The following IGSF21 variants were observed in gnomAD, a reference collection of about 807,000 sequenced individuals.
IGSF21 encodes immunoglobulin superfamily member 21.
IGSF21 carries 28 observed loss-of-function variants against 46.8 expected under a neutral mutation model. The ratio of observed to expected loss-of-function variants is 0.60; its 90% CI spans 0.44 to 0.82. The LOEUF (loss-of-function observed/expected upper bound fraction) is 0.82. Among genes scored for constraint, IGSF21 ranks in the 40% least tolerant of loss-of-function variants. The pLI, the probability that IGSF21 is intolerant of heterozygous loss-of-function variation, is 0.00. For synonymous variants in IGSF21, 284 were observed against 273.6 expected (o/e 1.04, Z -0.38); for missense variants, 624 against 665.5 (o/e 0.94, Z 0.69).
At chr1:18,114,833 C>CA (rs1461790567) in intron 1 of IGSF21, 30 of 152,202 alleles carry the variant, frequency 2.0e-4, no homozygotes, top group African/African-American at 6.8e-4. Flanking sequence ...CTCCCATCCT[C>CA]AACCCATTGC....
At position 18,365,461 on chromosome 1, in the gene IGSF21, C is replaced by T; in HGVS notation, c.779C>T (p.Pro260Leu). 2 of 1,614,124 alleles carry T rather than the reference C, an allele frequency of 1.2e-6. No homozygotes were observed. Among genetic ancestry groups the T allele is most frequent in the East Asian group, 2.2e-5 (1 of 44,862 alleles). Reference sequence around the variant, plus strand: ...CCAGATCCCAACATCCTCCTCCAGCCAACCACAGAGAACATACCAGAGACG... The same window carrying T: ...CCAGATCCCAACATCCTCCTCCAGCTAACCACAGAGAACATACCAGAGACG... ...LTPDPNILLQPTTENIPETVV... is the reference protein window; with the variant it reads ...LTPDPNILLQLTTENIPETVV... Residue 260 changes from proline to leucine, a missense_variant, in exon 6 of 10, where the codon CCA (proline) becomes CTA (leucine). Coordinates refer to ENST00000251296, the MANE Select transcript of IGSF21 (RefSeq NM_032880.5). The surrounding 1 kb of genome is among the most constrained non-coding windows in gnomAD (Gnocchi z 4.8).
chr1:18,352,555 A>G (rs2085968700), intron 4 of IGSF21, among the ~76,000 whole-genome samples: 1 of 152,112 alleles, frequency 6.6e-6, no homozygotes. Flanking sequence ...ATAGTGCTAT[A>G]ATACAAATCT....
chr1:18,236,405 A>G (rs935953417), intron 2 of IGSF21, among the ~76,000 whole-genome samples: 17 of 152,302 alleles, frequency 1.1e-4, no homozygotes, highest in Non-Finnish European at 2.5e-4. Context: ...GTCCTTTTAT[A>G]AATTACCCAG....
rs142366708 is a variant in IGSF21 at position 18,138,377 on chromosome 1, G to T, written c.70+30179G>T. ...CCAGTGGGGTGTTGCTTGATCACTTGCTTCTTTGGGGTCTAGCACGGGGGA... is the reference window on the plus strand; with the variant it reads ...CCAGTGGGGTGTTGCTTGATCACTTTCTTCTTTGGGGTCTAGCACGGGGGA... On this transcript the variant is annotated intron_variant, in intron 1 of 9. Transcript: ENST00000251296. Among the ~76,000 whole-genome samples, 83 of 152,268 alleles carry T rather than the reference G, an allele frequency of 5.5e-4. No homozygotes were observed. The East Asian group carries it at 7.0e-3, about 13-fold the overall frequency.
At chr1:18,368,931 C>T (rs1480427497) in intron 6 of IGSF21, among the ~76,000 whole-genome samples, 3 of 152,086 alleles carry the variant, frequency 2.0e-5, no homozygotes, top group Non-Finnish European at 4.4e-5. Context: ...CCTGTGTGAC[C>T]CCTATCAACA....
chr1:18,226,359 GC>G (rs2084566345), intron 1 of IGSF21, among the ~76,000 whole-genome samples: 1 of 152,188 alleles, frequency 6.6e-6, no homozygotes. Context: ...CCAGATCCTG[GC>G]CCCAGGCCCG....
chr1:18,217,020 C>A (rs1208626399), intron 1 of IGSF21, among the ~76,000 whole-genome samples: 1 of 152,096 alleles, frequency 6.6e-6, no homozygotes, highest in Admixed American at 6.5e-5. Flanking sequence ...AAATTCCAGA[C>A]CCACAGCAGG....
intron 2 of IGSF21, among the ~76,000 whole-genome samples, chr1:18,281,249 C>T (rs2085157033): frequency 1.0e-5 from 1 of 96,368 alleles, no homozygotes; most frequent in African/African-American, 4.4e-5. Context: ...GGAATGCACA[C>T]CGAGGGTGTG....
rs1377633686 is a variant in IGSF21, at chr1:18,337,018, T to C, written c.424+2008T>C. On this transcript the variant is annotated intron_variant, in intron 4 of 9. Transcript: ENST00000251296. The surrounding 1 kb of genome is among the most constrained non-coding windows in gnomAD (Gnocchi z 5.7). ...TATGATTCAGTTATCTCCCACTAGG[T>C]CCCTCCTACAACACATGGGAATTGT... Among the ~76,000 whole-genome samples the C allele has an allele frequency of 1.3e-5, 2 of 152,150 alleles. No homozygotes were observed. The highest frequency in any genetic ancestry group is 2.9e-5 in the Non-Finnish European group (2 of 68,020).
At chr1:18,378,004 A>G (rs1037637743) in intron 9 of IGSF21, among the ~76,000 whole-genome samples, 1 of 152,082 alleles carries the variant, frequency 6.6e-6, no homozygotes, top group Non-Finnish European at 1.5e-5. Context: ...ACAGTTCACA[A>G]TGGAGGCTCC....
intron 1 of IGSF21, among the ~76,000 whole-genome samples, chr1:18,134,429 G>T (rs1003945138): frequency 6.6e-6 from 1 of 152,090 alleles, no homozygotes; most frequent in African/African-American, 2.4e-5. Flanking sequence ...TCCTCCTCTG[G>T]TTCTTCTCTG....
rs1410797643 is a variant in IGSF21 at position 18,217,511 on chromosome 1, A to C, written c.71-10387A>C. ...TACAGTTCCAGAGACGTTCTCAGTC[A>C]AACACAACTTCCTGGCCCTCCTTGC... On this transcript the variant is annotated intron_variant, in intron 1 of 9. Coordinates refer to ENST00000251296, the MANE Select transcript of IGSF21 (RefSeq NM_032880.5). Among the ~76,000 whole-genome samples, 4 of 152,320 alleles carry C rather than the reference A, an allele frequency of 2.6e-5. No individual in the cohort carries two copies. In the East Asian group the frequency reaches 7.7e-4, roughly 29 times the overall value.
intron 1 of IGSF21, among the ~76,000 whole-genome samples, chr1:18,222,540 T>C (rs556040408): frequency 8.5e-5 from 13 of 152,314 alleles, no homozygotes; most frequent in Non-Finnish European, 1.3e-4. Flanking sequence ...CCCTGGACCA[T>C]GCTTTACCAC....
At chr1:18,182,264 C>T (rs1353059630) in intron 1 of IGSF21, among the ~76,000 whole-genome samples, 1 of 149,950 alleles carries the variant, frequency 6.7e-6, no homozygotes, top group African/African-American at 2.5e-5. Flanking sequence ...ACAACCTCCA[C>T]TTCCTAGGTT....
chr1:18,172,956 T>C (rs1309110122), intron 1 of IGSF21, among the ~76,000 whole-genome samples: 1 of 152,130 alleles, frequency 6.6e-6, no homozygotes. Flanking sequence ...TATCCTACTC[T>C]GGGAAAGATA....
At chr1:18,309,912 C>A (rs930504861) in intron 3 of IGSF21, among the ~76,000 whole-genome samples, 1 of 152,174 alleles carries the variant, frequency 6.6e-6, no homozygotes, top group East Asian at 1.9e-4. Flanking sequence ...GTTTCTCCCC[C>A]ACCTACCCAG....
intron 2 of IGSF21, among the ~76,000 whole-genome samples, chr1:18,242,425 T>C (rs765346945): frequency 5.5e-4 from 84 of 152,178 alleles, no homozygotes; most frequent in Non-Finnish European, 1.9e-4. Context: ...GGCTTCTGAA[T>C]TGGATACCAT....
chr1:18,124,424 C>T (rs895862498), intron 1 of IGSF21, among the ~76,000 whole-genome samples: 8 of 152,198 alleles, frequency 5.3e-5, no homozygotes, highest in African/African-American at 1.4e-4. Flanking sequence ...TAAGGGGTTG[C>T]GCAGCTTGTA....
chr1:18,172,310 C>G (rs374159755), intron 1 of IGSF21, among the ~76,000 whole-genome samples: 1 of 152,186 alleles, frequency 6.6e-6, no homozygotes, highest in Admixed American at 6.5e-5. Flanking sequence ...TGGAGCAAGG[C>G]ACTTATGTAC....
Sources: allele counts gnomAD v4.1 joint callset (sites outside exome capture counted in the v4.1 genomes callset), GRCh38; gene constraint gnomAD v4.1.1; non-coding constraint Gnocchi (gnomAD v3.1); transcripts MANE v1.5; gene names NCBI Gene and HGNC (gene_info 2026-07-23, HGNC 2026-07-21).